Variants in ASIC2 observed in about 807,000 individuals in gnomAD.
ASIC2 encodes the protein acid sensing ion channel subunit 2.
Under a neutral mutation model 57.3 loss-of-function variants are expected in ASIC2, and 25 were observed. That is an observed-to-expected ratio of 0.44 (90% CI 0.32 to 0.61). The LOEUF (loss-of-function observed/expected upper bound fraction) is 0.61, where lower values mean the gene tolerates loss of function less well. Ranked by LOEUF, ASIC2 falls within the 20% of genes least tolerant of loss-of-function variation. The pLI is 0.06. For missense variants in ASIC2, 641 were observed against 738.1 expected (o/e 0.87, Z 1.52); for synonymous variants, 319 against 307.5 (o/e 1.04, Z -0.39).
chr17:33,556,997 A>G (rs1484619912), intron 1 of ASIC2, among the ~76,000 whole-genome samples: 2 of 152,208 alleles, frequency 1.3e-5, no homozygotes, highest in Non-Finnish European at 2.9e-5. Context: ...TCTATGCAAG[A>G]GCCCTTCTTG....
chr17:33,575,653 C>T (rs1279917491), intron 1 of ASIC2, among the ~76,000 whole-genome samples: 1 of 152,132 alleles, frequency 6.6e-6, no homozygotes, highest in Non-Finnish European at 1.5e-5. Flanking sequence ...AAATGTTAAC[C>T]CAGGGGCTCC....
intron 1 of ASIC2, among the ~76,000 whole-genome samples, chr17:33,203,385 C>T (rs557947074): frequency 2.0e-5 from 3 of 152,308 alleles, no homozygotes; most frequent in African/African-American, 7.2e-5. Flanking sequence ...CTGAGTCCAG[C>T]CCACACAGTT....
intron 1 of ASIC2, among the ~76,000 whole-genome samples, chr17:33,494,490 C>T (rs758545477): frequency 2.8e-4 from 42 of 152,262 alleles, no homozygotes; most frequent in South Asian, 4.1e-4. Context: ...ATTCTTCACA[C>T]GAGTATTGAG....
chr17:33,948,611 G>A (rs1459161293), intron 1 of ASIC2, among the ~76,000 whole-genome samples: 4 of 152,240 alleles, frequency 2.6e-5, no homozygotes, highest in Non-Finnish European at 4.4e-5. Flanking sequence ...GAAGGCGTGA[G>A]GACTGGCCCT....
intron 1 of ASIC2, among the ~76,000 whole-genome samples, chr17:34,007,425 TCTTGCTTTGGCAGAATAAGG>T (rs968461777): frequency 5.9e-5 from 9 of 152,172 alleles, no homozygotes; most frequent in Non-Finnish European, 8.8e-5. Flanking sequence ...ACACAGAACT[TCTTGCTTTGGCAGAATAAGG>T]AGGTAGCTGT....
At chr17:33,058,654 C>T (rs954054902) in intron 3 of ASIC2, among the ~76,000 whole-genome samples, 1 of 152,042 alleles carries the variant, frequency 6.6e-6, no homozygotes, top group East Asian at 1.9e-4. Flanking sequence ...CCTTTCGGCC[C>T]CTACTCTCTC....
At chr17:33,522,833 C>T (rs535768939) in intron 1 of ASIC2, among the ~76,000 whole-genome samples, 1 of 152,202 alleles carries the variant, frequency 6.6e-6, no homozygotes, top group Non-Finnish European at 1.5e-5. Context: ...ACACTGAAGC[C>T]GTGTGGCATC....
At chr17:33,209,353 C>A (rs180762613) in intron 1 of ASIC2, among the ~76,000 whole-genome samples, 1 of 152,192 alleles carries the variant, frequency 6.6e-6, no homozygotes, top group Admixed American at 6.5e-5. Flanking sequence ...AATAATTTGT[C>A]CTTGTGGGGG....
chr17:33,696,607 A>G (rs1198384452), intron 1 of ASIC2, among the ~76,000 whole-genome samples: 4 of 152,222 alleles, frequency 2.6e-5, no homozygotes, highest in African/African-American at 9.6e-5. Flanking sequence ...TTCGTTCATT[A>G]TCAGTACAGT....
At chr17:33,201,963 T>C (rs1167057971) in intron 1 of ASIC2, among the ~76,000 whole-genome samples, 1 of 121,348 alleles carries the variant, frequency 8.2e-6, no homozygotes, top group African/African-American at 3.2e-5. Flanking sequence ...GCCCAGGAGG[T>C]GGGGATTGCA....
chr17:34,065,197 T>C (rs1909125540), intron 1 of ASIC2, among the ~76,000 whole-genome samples: 1 of 152,152 alleles, frequency 6.6e-6, no homozygotes, highest in Admixed American at 6.5e-5. Context: ...TACTCAGCCA[T>C]GAAAAGGAAT....
chr17:33,779,026 A>C (rs1911367976), intron 1 of ASIC2, among the ~76,000 whole-genome samples: 1 of 152,150 alleles, frequency 6.6e-6, no homozygotes. Flanking sequence ...GGTGCTTGGC[A>C]CATAGTAGGT....
At chr17:33,541,375 C>G (rs1029361839) in intron 1 of ASIC2, 1 of 152,172 alleles carries the variant, frequency 6.6e-6, no homozygotes, top group East Asian at 1.9e-4. Context: ...CAATGTCCCC[C>G]CCGAACAGAG....
intron 1 of ASIC2, among the ~76,000 whole-genome samples, chr17:33,391,795 C>T (rs966526735): frequency 2.0e-5 from 3 of 152,178 alleles, no homozygotes; most frequent in African/African-American, 7.2e-5. Flanking sequence ...ATATATGTGC[C>T]AGGTCCTATG....
chr17:33,915,738 G>A (rs1180616818), intron 1 of ASIC2, among the ~76,000 whole-genome samples: 4 of 152,120 alleles, frequency 2.6e-5, no homozygotes, highest in Non-Finnish European at 4.4e-5. Context: ...TTTCTACAGC[G>A]AAGAAACTGG....
chr17:33,643,151 C>T (rs1038109473), intron 1 of ASIC2, among the ~76,000 whole-genome samples: 8 of 149,976 alleles, frequency 5.3e-5, no homozygotes, highest in Non-Finnish European at 8.9e-5. Flanking sequence ...CTCATTTCCC[C>T]CCCCCCACAT....
rs1906629880 is a variant in ASIC2, at chr17:33,643,125, T to C, written c.555+512853A>G. Reference sequence around the variant, plus strand: ...AGCGCATTTATGCATACGATGTATTTTATCATTCTCACATGCTCATTTCCC... The same window carrying C: ...AGCGCATTTATGCATACGATGTATTCTATCATTCTCACATGCTCATTTCCC... On this transcript the variant is annotated intron_variant, in intron 1 of 9. Transcript: ENST00000359872. Among the ~76,000 whole-genome samples the C allele has an allele frequency of 2.1e-5, 3 of 145,856 alleles. No homozygotes were observed. In the Admixed American group the frequency reaches 2.1e-4, roughly 10 times the overall value.
At chr17:33,771,811 C>A (rs1236570644) in intron 1 of ASIC2, among the ~76,000 whole-genome samples, 1 of 152,178 alleles carries the variant, frequency 6.6e-6, no homozygotes, top group Admixed American at 6.5e-5. Flanking sequence ...ATGTAGGGAT[C>A]AAATCGTGGT....
At chr17:33,143,746 A>AT (rs1567761145) in intron 1 of ASIC2, among the ~76,000 whole-genome samples, 2 of 151,212 alleles carry the variant, frequency 1.3e-5, no homozygotes, top group Non-Finnish European at 3.0e-5. Context: ...TTCCAAAAAA[A>AT]CCCCCATAAA....
Sources: gnomAD v4.1 joint callset for allele counts (sites outside exome capture counted in the v4.1 genomes callset) on GRCh38, gnomAD v4.1.1 for gene constraint, MANE v1.5 for transcripts, NCBI Gene and HGNC (gene_info 2026-07-23, HGNC 2026-07-21) for gene names.